The following WWOX variants were observed in gnomAD, a reference collection of about 807,000 sequenced individuals.
WWOX encodes the protein WW domain-containing oxidoreductase.
A neutral mutation model predicts 46.2 loss-of-function variants in WWOX; 69 were observed. The observed-to-expected ratio is 1.49, with a 90% confidence interval of 1.23 to 1.82. The LOEUF is 1.82. WWOX is among the 40% of genes most tolerant of loss of function. The probability of loss-of-function intolerance (pLI) is 0.00; values close to 1 mark genes in which losing one functional copy is unlikely to be tolerated. For missense variants in WWOX, 919 were observed against 542.6 expected, an observed-to-expected ratio of 1.69 and a Z score of -6.89; for synonymous variants, 359 against 202.6, an observed-to-expected ratio of 1.77 and a Z score of -6.56.
intron 8 of WWOX, among the ~76,000 whole-genome samples, chr16:78,775,776 T>C (rs1197906611): frequency 6.6e-6 from 1 of 152,230 alleles, no homozygotes; most frequent in Non-Finnish European, 1.5e-5. Context: ...ATTTTTCCTT[T>C]AGCCAATGGA....
chr16:78,848,286 T>A (rs915569604), intron 8 of WWOX, among the ~76,000 whole-genome samples: 20 of 151,242 alleles, frequency 1.3e-4, no homozygotes, highest in African/African-American at 4.3e-4. Flanking sequence ...GTTGTTGATG[T>A]TGTTGTTAAT....
chr16:78,547,069 A>T (rs1567635593), intron 8 of WWOX, among the ~76,000 whole-genome samples: 2 of 141,664 alleles, frequency 1.4e-5, no homozygotes, highest in East Asian at 2.3e-4. Flanking sequence ...TCAAAGCTGC[A>T]GTGAGCCAAG....
chr16:78,681,028 T>C (rs746533056), intron 8 of WWOX, among the ~76,000 whole-genome samples: 2 of 151,982 alleles, frequency 1.3e-5, no homozygotes, highest in Non-Finnish European at 2.9e-5. Flanking sequence ...GTGGGCGCAT[T>C]GCCTGAGGTC....
intron 8 of WWOX, among the ~76,000 whole-genome samples, chr16:78,669,765 C>T (rs1284114896): frequency 6.6e-6 from 1 of 152,164 alleles, no homozygotes; most frequent in Non-Finnish European, 1.5e-5. Context: ...AATTTGCATC[C>T]ATGCATCCCA....
chr16:78,987,527 G>A, intron 8 of WWOX, among the ~76,000 whole-genome samples: 1 of 152,196 alleles, frequency 6.6e-6, no homozygotes, highest in East Asian at 1.9e-4. Context: ...TTAATCCATT[G>A]TTTTAGTGAG....
At chr16:79,061,438 G>A (rs2048355748) in intron 8 of WWOX, among the ~76,000 whole-genome samples, 2 of 152,204 alleles carry the variant, frequency 1.3e-5, no homozygotes, top group South Asian at 4.1e-4. Flanking sequence ...GGTATAAGTA[G>A]CAAAGCACTT....
chr16:78,517,948 G>A lies in WWOX; in HGVS notation c.1056+85196G>A, dbSNP rs559894243. ...CCTTTAGTCTTTTCTTTACTAGTGA[G>A]TGGCAGATATGTGTGGACCACAGAG... On this transcript the variant is annotated intron_variant, in intron 8 of 8. Transcript: ENST00000566780. Among the ~76,000 whole-genome samples the A allele has an allele frequency of 5.5e-5, 8 of 145,446 alleles. No homozygotes were observed. In the East Asian group the frequency reaches 1.2e-3, roughly 22 times the overall value.
chr16:79,058,134 A>C (rs1406852811), intron 8 of WWOX, among the ~76,000 whole-genome samples: 3 of 148,064 alleles, frequency 2.0e-5, no homozygotes, highest in African/African-American at 5.1e-5. Flanking sequence ...ACAAACAAAA[A>C]AAAAAAACTC....
At position 79,042,771 on chromosome 16, in the gene WWOX, T is replaced by C. The variant is rs534156560; in HGVS notation, c.1057-168837T>C. Among the ~76,000 whole-genome samples the C allele has an allele frequency of 9.9e-5, 15 of 150,776 alleles. No homozygotes were observed. In the East Asian group the frequency reaches 2.9e-3, roughly 29 times the overall value. On this transcript the variant is annotated intron_variant, in intron 8 of 8. Coordinates refer to ENST00000566780, the MANE Select transcript of WWOX (RefSeq NM_016373.4). ...TCTAACTTGTCCTCCTTGATCAGGA[T>C]TTCTCAAATGCACATTTGTCTAATA...
At chr16:78,262,273 CTCTGTTAGATAGAGAGCAT>C (rs1433029054) in intron 5 of WWOX, among the ~76,000 whole-genome samples, 1 of 151,126 alleles carries the variant, frequency 6.6e-6, no homozygotes, top group Non-Finnish European at 1.5e-5. Context: ...TACAGTGTAT[CTCTGTTAGATAGAGAGCAT>C]TCTGTTAGAT....
chr16:78,513,878 A>G (rs1194414622), intron 8 of WWOX, among the ~76,000 whole-genome samples: 2 of 147,646 alleles, frequency 1.4e-5, no homozygotes, highest in Non-Finnish European at 3.0e-5. Flanking sequence ...TTCTAAATTT[A>G]TATTACAGTT....
intron 8 of WWOX, among the ~76,000 whole-genome samples, chr16:78,706,849 T>A (rs1374357890): frequency 6.6e-6 from 1 of 151,672 alleles, no homozygotes; most frequent in Non-Finnish European, 1.5e-5. Context: ...CAGTCTGGAG[T>A]GTAATTGACG....
chr16:78,484,726 CA>C (rs1294650663), intron 8 of WWOX, among the ~76,000 whole-genome samples: 1 of 151,988 alleles, frequency 6.6e-6, no homozygotes, highest in East Asian at 1.9e-4. Flanking sequence ...TTCTCTCTCC[CA>C]AAATGAAATA....
intron 8 of WWOX, among the ~76,000 whole-genome samples, chr16:78,656,168 T>TTGTG (rs905723433): frequency 6.6e-6 from 1 of 151,900 alleles, no homozygotes; most frequent in Non-Finnish European, 1.5e-5. Flanking sequence ...CTCATAACAT[T>TTGTG]TGTGTGTGTG....
chr16:78,126,380 C>A (rs1344656087), intron 4 of WWOX, among the ~76,000 whole-genome samples: 1 of 152,162 alleles, frequency 6.6e-6, no homozygotes, highest in Admixed American at 6.5e-5. Context: ...AGCATCCTTG[C>A]CAAACTTGAG....
chr16:79,007,088 G>A (rs148417790), intron 8 of WWOX, among the ~76,000 whole-genome samples: 9 of 152,100 alleles, frequency 5.9e-5, no homozygotes, highest in East Asian at 1.9e-4. Context: ...CAGGCCAGGC[G>A]CTATGCCAAG....
At chr16:79,118,087 C>T (rs147117147) in intron 8 of WWOX, among the ~76,000 whole-genome samples, 36 of 152,352 alleles carry the variant, frequency 2.4e-4, no homozygotes, top group African/African-American at 7.2e-4. Context: ...TGTCAGTTTT[C>T]GACATGGCTT....
At chr16:78,967,439 A>G (rs4243164) in intron 8 of WWOX, among the ~76,000 whole-genome samples, 79,258 of 140,912 alleles carry the variant, frequency 0.56, 22,876 homozygotes, top group East Asian at 0.91. Context: ...ATGCACCAAC[A>G]TGCCTGGTTA....
At chr16:78,394,014 C>T (rs1281572071) in intron 6 of WWOX, among the ~76,000 whole-genome samples, 1 of 151,986 alleles carries the variant, frequency 6.6e-6, no homozygotes, top group East Asian at 1.9e-4. Flanking sequence ...ATTCATATTC[C>T]AAATTTTGCT....
Sources: allele counts gnomAD v4.1 joint callset (sites outside exome capture counted in the v4.1 genomes callset), GRCh38; gene constraint gnomAD v4.1.1; transcripts MANE v1.5; gene names NCBI Gene and HGNC (gene_info 2026-07-23, HGNC 2026-07-21).